The following GGACT variants were observed in gnomAD, a reference collection of about 807,000 sequenced individuals.
GGACT encodes the protein gamma-glutamylaminecyclotransferase.
For synonymous variants in GGACT, 118 were observed against 115.3 expected (o/e 1.02, Z -0.15); for missense variants, 241 against 233.2 (o/e 1.03, Z -0.22).
intron 2 of GGACT, among the ~76,000 whole-genome samples, chr13:100,554,634 T>C (rs1166515304): frequency 6.6e-6 from 1 of 152,212 alleles, no homozygotes; most frequent in Non-Finnish European, 1.5e-5. Context: ...AATATCCTTA[T>C]TTTTTCAGAG....
chr13:100,551,278 T>G (rs2088661692), intron 2 of GGACT, among the ~76,000 whole-genome samples: 1 of 151,598 alleles, frequency 6.6e-6, no homozygotes, highest in East Asian at 1.9e-4. Flanking sequence ...AGCGAGACTC[T>G]GTCTCAAAAA....
rs573184120 is a variant in GGACT at position 100,560,198 on chromosome 13, T to A, written c.-11+23627A>T. Among the ~76,000 whole-genome samples the A allele has an allele frequency of 3.0e-4, 45 of 152,274 alleles. 2 individuals are homozygous for A. The South Asian group carries it at 8.9e-3, about 30-fold the overall frequency. On this transcript the variant is annotated intron_variant, in intron 2 of 2. Coordinates refer to ENST00000683975, the MANE Select transcript of GGACT (RefSeq NM_001195087.2). ...GTGATTACATGAGTATATATATTTA[T>A]CAAGATTCGTTGACCCTTTAAAAAA...
chr13:100,562,319 GA>G (rs1222835198), intron 2 of GGACT, among the ~76,000 whole-genome samples: 11 of 151,674 alleles, frequency 7.3e-5, no homozygotes, highest in Non-Finnish European at 1.0e-4. Context: ...GTTTTGCACA[GA>G]AAAAAAAATT....
chr13:100,553,584 G>T (rs755592072), intron 2 of GGACT, among the ~76,000 whole-genome samples: 6 of 152,156 alleles, frequency 3.9e-5, no homozygotes, highest in Non-Finnish European at 8.8e-5. Context: ...GGTGGCTCAC[G>T]CCTGTAATCC....
intron 2 of GGACT, chr13:100,538,760 G>A (rs1317167941): frequency 4.6e-5 from 7 of 152,152 alleles, no homozygotes; most frequent in Non-Finnish European, 8.8e-5. Context: ...TTTGGATTGG[G>A]TTTTCCTCTT....
At chr13:100,561,003 G>T (rs982909697) in intron 2 of GGACT, among the ~76,000 whole-genome samples, 20 of 152,100 alleles carry the variant, frequency 1.3e-4, no homozygotes, top group Non-Finnish European at 5.9e-5. Context: ...TCACAAGCAC[G>T]CCTCCTAGAC....
intron 2 of GGACT, among the ~76,000 whole-genome samples, chr13:100,557,912 G>A (rs746555190): frequency 7.2e-5 from 11 of 152,084 alleles, no homozygotes; most frequent in East Asian, 1.9e-4. Context: ...GGCTGGGCAC[G>A]GTGGCTCATA....
chr13:100,550,661 C>T (rs772507401), intron 2 of GGACT, among the ~76,000 whole-genome samples: 2 of 152,206 alleles, frequency 1.3e-5, no homozygotes, highest in Non-Finnish European at 2.9e-5. Flanking sequence ...ACGCACAGGC[C>T]ACTCCCGAGA....
chr13:100,573,051 C>A (rs1875134095), intron 2 of GGACT, among the ~76,000 whole-genome samples: 1 of 152,158 alleles, frequency 6.6e-6, no homozygotes, highest in African/African-American at 2.4e-5. Context: ...AATATGAAAT[C>A]TACACTTCAA....
At chr13:100,551,917 T>C (rs2153014274) in intron 2 of GGACT, among the ~76,000 whole-genome samples, 1 of 152,304 alleles carries the variant, frequency 6.6e-6, no homozygotes, top group Admixed American at 6.5e-5. Context: ...AGAGGTAGGC[T>C]ATACCTCCTC....
chr13:100,571,308 C>T (rs7328395), intron 2 of GGACT, among the ~76,000 whole-genome samples: 77,549 of 151,926 alleles, frequency 0.51, 20,443 homozygotes, highest in South Asian at 0.73. Flanking sequence ...GCTGTGTCTT[C>T]GCAAGGAAAA....
In GGACT at chr13:100,585,816, C is replaced by T. The variant is rs559619277; in HGVS notation, c.-183-1819G>A. 1.6e-4 allele frequency among the ~76,000 whole-genome samples: 14 copies of T among 86,592 alleles called. No individual in the cohort carries two copies. The Admixed American group carries it at 1.8e-3, about 11-fold the overall frequency. The allele number at this position is 86,592 out of a possible 152,430, so 56.8% of individuals were successfully genotyped here. Reference sequence around the variant, plus strand: ...AAAGACCAGCCTGGGCAATACCTGTCTCCACCAAAAAAAAAAAAAAAAAAA... The same window carrying T: ...AAAGACCAGCCTGGGCAATACCTGTTTCCACCAAAAAAAAAAAAAAAAAAA... On this transcript the variant is annotated intron_variant, in intron 1 of 2. Coordinates refer to ENST00000683975, the MANE Select transcript of GGACT (RefSeq NM_001195087.2).
chr13:100,575,713 G>A (rs1251048895), intron 2 of GGACT, among the ~76,000 whole-genome samples: 1 of 152,134 alleles, frequency 6.6e-6, no homozygotes, highest in Non-Finnish European at 1.5e-5. Flanking sequence ...GCTGTGAGCT[G>A]TGACTATGCC....
At chr13:100,552,081 T>G (rs934814487) in intron 2 of GGACT, among the ~76,000 whole-genome samples, 1 of 152,144 alleles carries the variant, frequency 6.6e-6, no homozygotes, top group Non-Finnish European at 1.5e-5. Flanking sequence ...AAGCTTTGAG[T>G]GTGGTCCAGG....
chr13:100,566,418 TC>T (rs753151798), intron 2 of GGACT, among the ~76,000 whole-genome samples: 19 of 152,352 alleles, frequency 1.2e-4, no homozygotes, highest in Non-Finnish European at 2.2e-4. Context: ...TCTTCACTCC[TC>T]AGCACTCTGC....
At chr13:100,582,352 C>T (rs1875445780) in intron 2 of GGACT, among the ~76,000 whole-genome samples, 1 of 152,210 alleles carries the variant, frequency 6.6e-6, no homozygotes, top group South Asian at 2.1e-4. Context: ...GACTCAGCCA[C>T]ATTCACCTTC....
At chr13:100,548,646 G>A (rs1238291182) in intron 2 of GGACT, among the ~76,000 whole-genome samples, 2 of 152,168 alleles carry the variant, frequency 1.3e-5, no homozygotes, top group African/African-American at 4.8e-5. Context: ...TGCACACAGT[G>A]GGTACAAAAA....
intron 2 of GGACT, among the ~76,000 whole-genome samples, chr13:100,578,594 T>C (rs1875322043): frequency 6.6e-6 from 1 of 152,232 alleles, no homozygotes; most frequent in Non-Finnish European, 1.5e-5. Flanking sequence ...TTCCTAAAAT[T>C]ACCACGTTAA....
At chr13:100,569,557 T>C (rs1012140254) in intron 2 of GGACT, among the ~76,000 whole-genome samples, 37 of 152,308 alleles carry the variant, frequency 2.4e-4, no homozygotes, top group African/African-American at 8.9e-4. Flanking sequence ...AAAGCATTTT[T>C]CCCTCCTAGG....
Sources: gnomAD v4.1 joint callset for allele counts (sites outside exome capture counted in the v4.1 genomes callset) on GRCh38, gnomAD v4.1.1 for gene constraint, MANE v1.5 for transcripts, NCBI Gene and HGNC (gene_info 2026-07-23, HGNC 2026-07-21) for gene names.